Variants in HEATR5B observed in about 807,000 individuals in gnomAD.
HEATR5B encodes HEAT repeat-containing protein 5B.
Under a neutral mutation model 224.1 loss-of-function variants are expected in HEATR5B, and 156 were observed. The ratio of observed to expected loss-of-function variants is 0.70; its 90% CI spans 0.61 to 0.80. HEATR5B has a LOEUF of 0.80. Among genes scored for constraint, HEATR5B ranks in the 30% least tolerant of loss-of-function variants. The probability of loss-of-function intolerance (pLI) is 0.00; values close to 1 mark genes in which losing one functional copy is unlikely to be tolerated. For missense variants in HEATR5B, 2,323 were observed against 2,535.5 expected (o/e 0.92, Z 1.80); for synonymous variants, 1,027 against 893.0 (o/e 1.15, Z -2.68).
chr2:37,064,291 T>G (rs1052394857), intron 10 of HEATR5B, among the ~76,000 whole-genome samples: 9 of 150,114 alleles, frequency 6.0e-5, no homozygotes. Flanking sequence ...TTTTTTTTTT[T>G]TTTTTTTTTG....
At position 37,032,645 on chromosome 2, in the gene HEATR5B, T is replaced by G. The variant is rs1669205695; in HGVS notation, c.3345A>C (p.Lys1115Asn). The G allele has an allele frequency of 6.2e-7, 1 of 1,613,558 alleles. No homozygotes were observed. The highest frequency in any genetic ancestry group is 1.1e-5 in the South Asian group (1 of 90,914). The change falls in exon 22 of 36, where the codon AAA becomes AAC. Residue 1115 changes from lysine (K) to asparagine (N), a missense_variant. By Grantham distance (94) the Lys-to-Asn change is moderately conservative. Around this residue, in one of 12 missense-constraint regions of HEATR5B, gnomAD observed 339 missense variants for 378.4 expected, o/e 0.90. Coordinates refer to ENST00000233099, the MANE Select transcript of HEATR5B (RefSeq NM_019024.3). ...AMSLAKNTGD[K>N]ESSSANVSPF... The stretch of plus-strand genomic sequence containing the variant: ...ATAACTTACTGGCACTACTGCTCTC[T>G]TTGTCCCCTGTATTTTTTGCCAGGC...
At chr2:37,013,793 T>C (rs2148415597) in intron 27 of HEATR5B, 48 bp downstream of exon 27, 2 of 1,456,876 alleles carry the variant, frequency 1.4e-6, no homozygotes. Flanking sequence ...CATTTTCTCA[T>C]GGATGAAGAA....
intron 35 of HEATR5B, among the ~76,000 whole-genome samples, chr2:36,984,132 G>A (rs143938690): frequency 0.31 from 43,142 of 139,044 alleles, 7,285 homozygotes; most frequent in African/African-American, 0.37. Flanking sequence ...CTCGGGAGGC[G>A]GAGGTTGCAG....
rs561795204 is a variant in HEATR5B at position 37,019,218 on chromosome 2, A to C, written c.4104+591T>G. On this transcript the variant is annotated intron_variant, in intron 26 of 35. Coordinates refer to ENST00000233099, the MANE Select transcript of HEATR5B (RefSeq NM_019024.3). ...GGTTTTGTGAGTCTCTGCAGATATA[A>C]CAAGGTGAGAATAATTCCCTGGGAT... 7.8e-4 allele frequency among the ~76,000 whole-genome samples: 118 copies of C among 152,186 alleles called. 1 individual carries two copies. The highest frequency in any genetic ancestry group is 2.6e-3 in the African/African-American group (109 of 41,534).
At chr2:37,063,199 G>C (rs1300212229) in intron 10 of HEATR5B, among the ~76,000 whole-genome samples, 2 of 152,104 alleles carry the variant, frequency 1.3e-5, no homozygotes, top group African/African-American at 4.8e-5. Flanking sequence ...TGGTCACATG[G>C]GCTAGCACTG....
chr2:36,980,932 A>G lies in HEATR5B; in HGVS notation c.*558T>C, dbSNP rs1018941991. 1 of 152,216 alleles carries G rather than the reference A, an allele frequency of 6.6e-6. No individual in the cohort carries two copies. Among genetic ancestry groups the G allele is most frequent in the African/African-American group, 2.4e-5 (1 of 41,446 alleles). The allele number at this position is 152,216 out of a possible 1,614,324, so 9.4% of individuals were successfully genotyped here. On this transcript the variant is annotated 3_prime_UTR_variant, in exon 36 of 36. Transcript: ENST00000233099. ...TGAGAATTTTAATTGTTACCAACTA[A>G]AATATACATAGCATAATTTAGTAAT... is the stretch of plus-strand genomic sequence containing the variant.
chr2:37,063,371 T>G (rs534993340), intron 10 of HEATR5B, among the ~76,000 whole-genome samples: 2 of 152,100 alleles, frequency 1.3e-5, no homozygotes, highest in Non-Finnish European at 2.9e-5. Context: ...CTAGTCTAAT[T>G]AGAGCAACAG....
intron 16 of HEATR5B, among the ~76,000 whole-genome samples, chr2:37,054,758 C>G (rs1364438706): frequency 6.6e-6 from 1 of 152,144 alleles, no homozygotes; most frequent in Non-Finnish European, 1.5e-5. Flanking sequence ...GCTGGGATAA[C>G]AGGTGTGAGC....
At chr2:36,983,172 A>G (rs960099863) in intron 35 of HEATR5B, among the ~76,000 whole-genome samples, 4 of 152,192 alleles carry the variant, frequency 2.6e-5, no homozygotes, top group Non-Finnish European at 5.9e-5. Context: ...GCTTATTTTT[A>G]AAGTCCCAGG....
chr2:37,019,712 C>A (rs1311500548), intron 26 of HEATR5B, 97 bp downstream of exon 26: 4 of 808,730 alleles, frequency 4.9e-6, no homozygotes, highest in Non-Finnish European at 4.0e-6. Flanking sequence ...CCATGTTGGT[C>A]TCCCAAATTT....
chr2:37,044,327 G>C (rs985075834), intron 18 of HEATR5B, among the ~76,000 whole-genome samples: 6 of 152,106 alleles, frequency 3.9e-5, no homozygotes, highest in African/African-American at 1.2e-4. Context: ...TATCATTATA[G>C]TTTACCTTTT....
chr2:37,020,864 G>A lies in HEATR5B; in HGVS notation c.3854-28C>T, dbSNP rs1668418452. ...AAAAATAAAAATAGAATGCAAAAAT[G>A]AAAACTTTTCCAAAAATAAGTGTAA... is the stretch of plus-strand genomic sequence containing the variant. On this transcript the variant is annotated intron_variant, in intron 24 of 35. Coordinates refer to ENST00000233099, the MANE Select transcript of HEATR5B (RefSeq NM_019024.3). 3.7e-6 allele frequency: 5 copies of A among 1,335,448 alleles called. No individual in the cohort carries two copies. The South Asian group carries it at 5.2e-5, about 14-fold the overall frequency. 82.7% of individuals were successfully genotyped at this position (1,335,448 alleles called of 1,614,324 possible).
intron 26 of HEATR5B, among the ~76,000 whole-genome samples, chr2:37,017,831 G>C (rs1572815573): frequency 6.6e-6 from 1 of 152,088 alleles, no homozygotes; most frequent in African/African-American, 2.4e-5. Context: ...TCAAAAGATT[G>C]GTGAATGAAT....
chr2:36,990,184 C>T (rs538754866), intron 34 of HEATR5B, among the ~76,000 whole-genome samples: 2 of 151,972 alleles, frequency 1.3e-5, no homozygotes, highest in Admixed American at 6.6e-5. Flanking sequence ...CGTGAGCCAC[C>T]GCACCTGGTC....
intron 25 of HEATR5B, 49 bp from the exon 26 acceptor site, chr2:37,019,926 C>A (rs1317275977): frequency 2.3e-6 from 3 of 1,328,124 alleles, no homozygotes. Flanking sequence ...TTTTTTGAGA[C>A]ACGGTCTTAC....
intron 5 of HEATR5B, 43 bp from the exon 6 acceptor site, chr2:37,072,324 T>C: frequency 2.1e-6 from 3 of 1,397,086 alleles, no homozygotes; most frequent in Non-Finnish European, 3.0e-6. Flanking sequence ...CTATAACATC[T>C]GCTTCCAGAG....
intron 30 of HEATR5B, 96 bp downstream of exon 30, chr2:37,005,536 G>A (rs1415929711): frequency 6.4e-6 from 7 of 1,097,520 alleles, no homozygotes; most frequent in Non-Finnish European, 5.4e-6. Context: ...TGTTAAAATA[G>A]GATCCAATAC....
intron 28 of HEATR5B, among the ~76,000 whole-genome samples, 191 bp from the exon 29 acceptor site, chr2:37,007,495 C>T (rs534422075): frequency 3.3e-5 from 5 of 152,090 alleles, no homozygotes; most frequent in African/African-American, 7.2e-5. Flanking sequence ...AGACATGCGC[C>T]GCAATGCCCA....
chr2:36,995,106 C>CTTTTTTTTTT (rs1666608360), intron 33 of HEATR5B, among the ~76,000 whole-genome samples: 1 of 53,668 alleles, frequency 1.9e-5, no homozygotes. Flanking sequence ...TTTTTTTTTC[C>CTTTTTTTTTT]TGAGATGGAG....
Sources: allele counts gnomAD v4.1 joint callset (sites outside exome capture counted in the v4.1 genomes callset), GRCh38; gene constraint gnomAD v4.1.1; regional missense constraint gnomAD v4.1.1; transcripts MANE v1.5; gene names NCBI Gene and HGNC (gene_info 2026-07-23, HGNC 2026-07-21).